CACNA1C: variants seen among roughly 807,000 people sequenced by gnomAD.
CACNA1C encodes the protein voltage-dependent L-type calcium channel subunit alpha-1C.
CACNA1C carries 30 observed loss-of-function variants against 229.0 expected under a neutral mutation model. That is an observed-to-expected ratio of 0.13 (90% CI 0.10 to 0.18). The LOEUF is 0.18. CACNA1C is among the 10% of genes least tolerant of loss of function. The pLI is 1.00. For missense variants in CACNA1C, 1,658 were observed against 2,845.0 expected (o/e 0.58, Z 9.49); for synonymous variants, 1,114 against 1,132.5 (o/e 0.98, Z 0.33).
At chr12:2,086,178 G>C (rs2067572704) in intron 1 of CACNA1C, among the ~76,000 whole-genome samples, 1 of 152,212 alleles carries the variant, frequency 6.6e-6, no homozygotes, top group Admixed American at 6.5e-5. Context: ...CAATGCCTGT[G>C]CTCTGTTTAC....
At chr12:1,973,103 G>A (rs1462290982) in intron 1 of CACNA1C, among the ~76,000 whole-genome samples, 3 of 152,174 alleles carry the variant, frequency 2.0e-5, no homozygotes, top group East Asian at 3.8e-4. Context: ...CACCTTCTGC[G>A]TTAGCTTTAC....
chr12:2,244,661 A>G lies in CACNA1C; in HGVS notation c.477+124231A>G, dbSNP rs141158311. 4.7e-3 allele frequency among the ~76,000 whole-genome samples: 711 copies of G among 152,332 alleles called. 6 individuals are homozygous for G. The highest frequency in any genetic ancestry group is 0.017 in the Middle Eastern group (5 of 294). On this transcript the variant is annotated intron_variant, in intron 3 of 46. Transcript: ENST00000399655. ...GTCCTATAAGCACCTCCTCCTTCCTAGAGCAGAGCCATCACCTGCTTTGGG... is the reference window on the plus strand; with the variant it reads ...GTCCTATAAGCACCTCCTCCTTCCTGGAGCAGAGCCATCACCTGCTTTGGG...
At chr12:2,455,551 T>C (rs1643065852) in intron 4 of CACNA1C, among the ~76,000 whole-genome samples, 1 of 152,202 alleles carries the variant, frequency 6.6e-6, no homozygotes, top group Non-Finnish European at 1.5e-5. Flanking sequence ...AAATTACACA[T>C]GCAGCCCACA....
chr12:2,416,032 T>TG (rs1203375150), intron 3 of CACNA1C, among the ~76,000 whole-genome samples: 2 of 152,062 alleles, frequency 1.3e-5, no homozygotes, highest in Non-Finnish European at 2.9e-5. Context: ...GGTGAGGGTG[T>TG]GGGGGCGGGA....
chr12:2,078,351 T>C (rs925364752), intron 1 of CACNA1C, among the ~76,000 whole-genome samples: 1 of 152,362 alleles, frequency 6.6e-6, no homozygotes, highest in Admixed American at 6.5e-5. Context: ...TATTTTGCTA[T>C]GACAGCCTGA....
intron 4 of CACNA1C, among the ~76,000 whole-genome samples, chr12:2,451,117 G>A (rs554491644): frequency 4.2e-4 from 64 of 152,288 alleles, no homozygotes; most frequent in East Asian, 3.1e-3. Context: ...AAGGTTATTA[G>A]CATCATTAGC....
At chr12:2,006,904 G>C (rs1010186676) in intron 1 of CACNA1C, among the ~76,000 whole-genome samples, 2 of 152,148 alleles carry the variant, frequency 1.3e-5, no homozygotes, top group Non-Finnish European at 2.9e-5. Flanking sequence ...TTTGTAAATT[G>C]GTTTCATGAC....
At chr12:2,368,565 C>G (rs1457767045) in intron 3 of CACNA1C, among the ~76,000 whole-genome samples, 6 of 152,122 alleles carry the variant, frequency 3.9e-5, no homozygotes, top group Non-Finnish European at 5.9e-5. Context: ...GGAAAATATT[C>G]TAAACACATG....
At chr12:2,032,020 T>C (rs2048324280) in intron 1 of CACNA1C, among the ~76,000 whole-genome samples, 1 of 152,052 alleles carries the variant, frequency 6.6e-6, no homozygotes, top group Non-Finnish European at 1.5e-5. Context: ...TGTGTCTGTG[T>C]GTATGTGTTT....
rs2097314341 is a variant in CACNA1C at position 2,354,997 on chromosome 12, G to T, written c.478-93979G>T. Among the ~76,000 whole-genome samples the T allele has an allele frequency of 6.6e-6, 1 of 152,162 alleles. No homozygotes were observed. The highest frequency in any genetic ancestry group is 6.5e-5 in the Admixed American group (1 of 15,280). ...CAGGTGTGAGGATGGGTCTGGGTGTGGGGTGGGGTGGAGGGCTGAAGAAGG... is the reference window on the plus strand; with the variant it reads ...CAGGTGTGAGGATGGGTCTGGGTGTTGGGTGGGGTGGAGGGCTGAAGAAGG... On this transcript the variant is annotated intron_variant, in intron 3 of 46. Transcript: ENST00000399655. This position sits in a 1 kb window ranked among gnomAD's most constrained non-coding sequence, Gnocchi z 4.6.
chr12:2,129,584 G>T (rs1010746159), intron 3 of CACNA1C, among the ~76,000 whole-genome samples: 4 of 152,118 alleles, frequency 2.6e-5, no homozygotes, highest in African/African-American at 4.8e-5. Context: ...ATATTTGAAG[G>T]AAGTCTTTCC....
At position 2,067,469 on chromosome 12, in the gene CACNA1C, T is replaced by C. The variant is rs1234498808; in HGVS notation, c.49+13858T>C. Among the ~76,000 whole-genome samples, 1 of 125,820 alleles carries C rather than the reference T, an allele frequency of 7.9e-6. No individual in the cohort carries two copies. The highest frequency in any genetic ancestry group is 2.8e-5 in the African/African-American group (1 of 36,048). The allele number at this position is 125,820 out of a possible 152,430, so 82.5% of individuals were successfully genotyped here. ...ATGCACGTGTGTGTGTGTGTGTGTG[T>C]GTGTGTGTGTGTGCGCGCGTGTGCG... On this transcript the variant is annotated intron_variant, in intron 1 of 46. Transcript: ENST00000399655. This position sits in a 1 kb window ranked among gnomAD's most constrained non-coding sequence, Gnocchi z 5.3.
At chr12:2,664,703 C>G in intron 34 of CACNA1C, 122 bp from the exon 35 acceptor site, 2 of 683,338 alleles carry the variant, frequency 2.9e-6, no homozygotes, top group Non-Finnish European at 4.6e-6. Context: ...TGATGAACAT[C>G]AAGTTCATTT....
chr12:2,676,756 T>G, intron 39 of CACNA1C: 1 of 182,880 alleles, frequency 5.5e-6, no homozygotes, highest in Non-Finnish European at 1.2e-5. Context: ...GGAAATAATT[T>G]TGATGGTAGG....
chr12:2,346,554 G>A lies in CACNA1C; in HGVS notation c.478-102422G>A, dbSNP rs2097030994. 6.6e-6 allele frequency among the ~76,000 whole-genome samples: 1 copy of A among 152,108 alleles called. No individual in the cohort carries two copies. Among genetic ancestry groups the A allele is most frequent in the African/African-American group, 2.4e-5 (1 of 41,416 alleles). On this transcript the variant is annotated intron_variant, in intron 3 of 46. Transcript: ENST00000399655. This position sits in a 1 kb window ranked among gnomAD's most constrained non-coding sequence, Gnocchi z 4.4. ...GAGTTGCCCCTGTGTTAGGATGGCT[G>A]TGGCTCAGTCACATACTCCCCCATT...
rs974770178 is a variant in CACNA1C at position 2,067,485 on chromosome 12, C to CGT, written c.49+13875_49+13876insTG. Among the ~76,000 whole-genome samples the CGT allele has an allele frequency of 2.5e-4, 10 of 39,546 alleles. No individual in the cohort carries two copies. The highest frequency in any genetic ancestry group is 1.4e-3 in the East Asian group (1 of 722). 25.9% of individuals were successfully genotyped at this position (39,546 alleles called of 152,430 possible). A position where few individuals can be genotyped will look rare whatever the true frequency, so the allele number is the denominator to read the frequency against. ...GTGTGTGTGTGTGTGTGTGTGTGCG[C>CGT]GCGTGTGCGTGCCTGTATGTAAGGG... is the stretch of plus-strand genomic sequence containing the variant. On this transcript the variant is annotated intron_variant, in intron 1 of 46. Transcript: ENST00000399655. This position sits in a 1 kb window ranked among gnomAD's most constrained non-coding sequence, Gnocchi z 5.3.
intron 3 of CACNA1C, among the ~76,000 whole-genome samples, chr12:2,360,195 A>C (rs549629685): frequency 0.018 from 1,546 of 85,136 alleles, 19 homozygotes; most frequent in Admixed American, 0.024. Context: ...ACACACACAC[A>C]CCCCACCCCA....
intron 9 of CACNA1C, among the ~76,000 whole-genome samples, chr12:2,518,198 A>G (rs971442536): frequency 1.3e-5 from 2 of 152,248 alleles, no homozygotes; most frequent in African/African-American, 4.8e-5. Flanking sequence ...AAGGCTTGTA[A>G]GAGCTGCAGG....
chr12:2,682,364 T>C lies in CACNA1C; in HGVS notation c.5445-186T>C, dbSNP rs16927954. ...ACCCTCACCCTAATCTGAACACTTC[T>C]ATGGATCCATCAGCAATCACAGGAG... On this transcript the variant is annotated intron_variant, in intron 42 of 46. Transcript: ENST00000399655. Among the ~76,000 whole-genome samples, 2,201 of 152,264 alleles carry C rather than the reference T, an allele frequency of 0.014. 55 individuals are homozygous for C. The highest frequency in any genetic ancestry group is 0.049 in the African/African-American group (2,034 of 41,540).
Sources: gnomAD v4.1 joint callset for allele counts (sites outside exome capture counted in the v4.1 genomes callset) on GRCh38, gnomAD v4.1.1 for gene constraint, Gnocchi (gnomAD v3.1) non-coding constraint, MANE v1.5 for transcripts, NCBI Gene and HGNC (gene_info 2026-07-23, HGNC 2026-07-21) for gene names.